Variants in ARHGEF9 observed in about 807,000 individuals in gnomAD.
ARHGEF9 encodes Cdc42 guanine nucleotide exchange factor 9.
Under a neutral mutation model 41.3 loss-of-function variants are expected in ARHGEF9, and 2 were observed. The ratio of observed to expected loss-of-function variants is 0.05; its 90% confidence interval spans 0.02 to 0.15. ARHGEF9 has a LOEUF of 0.15. Among genes scored for constraint, ARHGEF9 ranks in the 10% least tolerant of loss-of-function variants. ARHGEF9 has a pLI of 1.00. For synonymous variants in ARHGEF9, 160 were observed against 154.4 expected, an observed-to-expected ratio of 1.04 and a Z score of -0.27; for missense variants, 225 against 424.7, an observed-to-expected ratio of 0.53 and a Z score of 4.13.
intron 1 of ARHGEF9, among the ~76,000 whole-genome samples, chrX:63,772,892 T>C (rs1223067718): frequency 3.6e-5 from 4 of 111,340 alleles, no homozygotes; most frequent in Non-Finnish European, 5.7e-5. Flanking sequence ...TCCTGCTGCC[T>C]CCCCTCAACT....
intron 1 of ARHGEF9, among the ~76,000 whole-genome samples, chrX:63,774,980 A>AC (rs2056267975): frequency 8.9e-6 from 1 of 111,832 alleles, no homozygotes; most frequent in Admixed American, 9.5e-5. Context: ...GCACACACAC[A>AC]AAAAAAATAC....
chrX:63,708,369 A>G (rs781934963), intron 2 of ARHGEF9, among the ~76,000 whole-genome samples: 17 of 111,981 alleles, frequency 1.5e-4, no homozygotes, highest in Non-Finnish European at 2.6e-4. Flanking sequence ...TCACTTTTGG[A>G]TAGCTGGAAT....
chrX:63,702,415 T>A (rs1339662675), intron 3 of ARHGEF9, among the ~76,000 whole-genome samples: 1 of 112,232 alleles, frequency 8.9e-6, no homozygotes, highest in African/African-American at 3.2e-5. Flanking sequence ...GAAAGAAGAA[T>A]GTAATCTGCA....
intron 1 of ARHGEF9, among the ~76,000 whole-genome samples, chrX:63,771,306 A>G (rs1247326259): frequency 8.9e-6 from 1 of 112,170 alleles, no homozygotes; most frequent in Non-Finnish European, 1.9e-5. Flanking sequence ...AATGAATATT[A>G]TTCACTTAAA....
chrX:63,707,511 G>A (rs1310117797), intron 2 of ARHGEF9: 19 of 110,843 alleles, frequency 1.7e-4, no homozygotes, highest in Non-Finnish European at 3.4e-4. Context: ...AAACCATGGG[G>A]GCAGGAAGGA....
intron 2 of ARHGEF9, chrX:63,723,001 C>G (rs1390007753): frequency 9.0e-6 from 1 of 111,572 alleles, no homozygotes; most frequent in African/African-American, 3.3e-5. Flanking sequence ...GTGCCCTCAC[C>G]TAAACTGTCC....
At chrX:63,667,451 A>G (rs1556350164) in intron 6 of ARHGEF9, among the ~76,000 whole-genome samples, 1 of 111,232 alleles carries the variant, frequency 9.0e-6, no homozygotes, top group African/African-American at 3.3e-5. Flanking sequence ...TATGAGGATG[A>G]TCTTCATGAT....
intron 1 of ARHGEF9, among the ~76,000 whole-genome samples, chrX:63,780,199 C>T (rs1321085316): frequency 9.0e-6 from 1 of 111,667 alleles, no homozygotes; most frequent in Admixed American, 9.5e-5. Context: ...AGCTGCCATA[C>T]TGGCCCAGGT....
intron 3 of ARHGEF9, among the ~76,000 whole-genome samples, chrX:63,700,191 T>C (rs2052055530): frequency 1.8e-5 from 2 of 111,946 alleles, no homozygotes; most frequent in African/African-American, 3.3e-5. Flanking sequence ...TTACAAATAA[T>C]AGATGTAAAC....
chrX:63,699,829 T>C (rs782699110), intron 3 of ARHGEF9, among the ~76,000 whole-genome samples: 1 of 112,231 alleles, frequency 8.9e-6, no homozygotes, highest in Non-Finnish European at 1.9e-5. Context: ...TATGATACAA[T>C]GTTAAAAAGT....
At chrX:63,668,676 G>C (rs1298944554) in intron 6 of ARHGEF9, among the ~76,000 whole-genome samples, 1 of 111,768 alleles carries the variant, frequency 8.9e-6, no homozygotes, top group Non-Finnish European at 1.9e-5. Context: ...CACACTATAA[G>C]CTCAACATAA....
At chrX:63,661,066 A>G (rs2049180868) in intron 7 of ARHGEF9, among the ~76,000 whole-genome samples, 1 of 112,088 alleles carries the variant, frequency 8.9e-6, no homozygotes, top group Non-Finnish European at 1.9e-5. Context: ...GAACTGGCCA[A>G]TGGTTAGAAA....
At chrX:63,753,047 AC>A (rs2055748911) in intron 1 of ARHGEF9, among the ~76,000 whole-genome samples, 1 of 112,726 alleles carries the variant, frequency 8.9e-6, no homozygotes, top group Non-Finnish European at 1.9e-5. Context: ...ACGCAAAAAA[AC>A]AAGTATTATA....
chrX:63,678,330 G>A lies in ARHGEF9; in HGVS notation c.815+10C>T, dbSNP rs1556365036. On this transcript the variant is annotated intron_variant, in intron 5 of 9. Coordinates refer to ENST00000671741, the MANE Select transcript of ARHGEF9 (RefSeq NM_001353921.2). ...TCCCTCATTCACTCCTGACTCCCTCGATCCCTTACCTGTGGTCTTGGGCAG... is the reference window on the plus strand; with the variant it reads ...TCCCTCATTCACTCCTGACTCCCTCAATCCCTTACCTGTGGTCTTGGGCAG... 3.4e-6 allele frequency: 4 copies of A among 1,183,095 alleles called. No individual in the cohort carries two copies. The highest frequency in any genetic ancestry group is 3.0e-5 in the East Asian group (1 of 32,955).
At chrX:63,676,438 G>C (rs1468053625) in intron 5 of ARHGEF9, among the ~76,000 whole-genome samples, 1 of 112,002 alleles carries the variant, frequency 8.9e-6, no homozygotes, top group Non-Finnish European at 1.9e-5. Flanking sequence ...GCCTGTCCGT[G>C]AGCTATTTAT....
intron 3 of ARHGEF9, among the ~76,000 whole-genome samples, chrX:63,705,574 G>A (rs1355588159): frequency 1.8e-5 from 2 of 110,814 alleles, no homozygotes; most frequent in African/African-American, 6.6e-5. Flanking sequence ...AGGGAATGTA[G>A]AGAGACAGCT....
At chrX:63,740,308 G>A (rs782690888) in intron 1 of ARHGEF9, among the ~76,000 whole-genome samples, 13 of 112,255 alleles carry the variant, frequency 1.2e-4, no homozygotes, top group Admixed American at 1.9e-4. Context: ...CTCCATGAGG[G>A]TGTCTTCTCT....
At chrX:63,700,022 A>C (rs2052040300) in intron 3 of ARHGEF9, among the ~76,000 whole-genome samples, 1 of 111,856 alleles carries the variant, frequency 8.9e-6, no homozygotes, top group South Asian at 3.7e-4. Context: ...ATGATCAAAA[A>C]TGGGATAAAA....
intron 1 of ARHGEF9, chrX:63,725,625 T>C (rs2053917933): frequency 9.7e-6 from 1 of 103,452 alleles, no homozygotes; most frequent in Non-Finnish European, 2.0e-5. Flanking sequence ...CTAAGCACGG[T>C]GATAGGGATG....
Sources: allele counts gnomAD v4.1 joint callset (sites outside exome capture counted in the v4.1 genomes callset), GRCh38; gene constraint gnomAD v4.1.1; transcripts MANE v1.5; gene names NCBI Gene and HGNC (gene_info 2026-07-23, HGNC 2026-07-21).